NRXN3: variants seen among roughly 807,000 people sequenced by gnomAD.
NRXN3 encodes neurexin III.
NRXN3 carries 32 observed loss-of-function variants against 137.6 expected under a neutral mutation model. The ratio of observed to expected loss-of-function variants is 0.23; its 90% CI spans 0.18 to 0.31. NRXN3 has a LOEUF of 0.31. Ranked by LOEUF, NRXN3 falls within the 10% of genes least tolerant of loss-of-function variation. NRXN3 has a pLI of 1.00. For missense variants in NRXN3, 1,574 were observed against 2,062.5 expected (o/e 0.76, Z 4.59); for synonymous variants, 798 against 784.5 (o/e 1.02, Z -0.29).
chr14:78,740,666 G>A (rs1237200371), intron 8 of NRXN3, among the ~76,000 whole-genome samples: 1 of 151,498 alleles, frequency 6.6e-6, no homozygotes, highest in African/African-American at 2.4e-5. Flanking sequence ...CCTGGATAAT[G>A]AGGACCAAAG....
chr14:78,627,650 T>C (rs539181246), intron 4 of NRXN3, among the ~76,000 whole-genome samples: 1 of 152,240 alleles, frequency 6.6e-6, no homozygotes, highest in East Asian at 1.9e-4. Flanking sequence ...ATCTGCTTCA[T>C]GGTTATTTTA....
intron 19 of NRXN3, among the ~76,000 whole-genome samples, chr14:79,754,343 C>CA (rs1452280722): frequency 6.6e-6 from 1 of 151,182 alleles, no homozygotes; most frequent in East Asian, 1.9e-4. Context: ...GACTCCATCT[C>CA]AAAAACATAA....
At chr14:79,700,090 C>G (rs528080902) in intron 19 of NRXN3, among the ~76,000 whole-genome samples, 1 of 152,152 alleles carries the variant, frequency 6.6e-6, no homozygotes, top group East Asian at 1.9e-4. Context: ...CATCTTCAAG[C>G]CTAGTCTGGT....
chr14:79,739,928 GTCTGT>G (rs943347561), intron 19 of NRXN3, among the ~76,000 whole-genome samples: 1 of 152,110 alleles, frequency 6.6e-6, no homozygotes, highest in Admixed American at 6.5e-5. Flanking sequence ...TGCAGTGAAG[GTCTGT>G]TCACCCCTTT....
chr14:79,256,933 G>A (rs2076660203), intron 15 of NRXN3, among the ~76,000 whole-genome samples: 1 of 152,142 alleles, frequency 6.6e-6, no homozygotes, highest in South Asian at 2.1e-4. Flanking sequence ...GAGACAGAAA[G>A]AAAGGCTGCC....
chr14:78,550,631 G>A (rs1004663942), intron 4 of NRXN3, among the ~76,000 whole-genome samples: 1 of 152,106 alleles, frequency 6.6e-6, no homozygotes, highest in Non-Finnish European at 1.5e-5. Flanking sequence ...GGTTCAACAT[G>A]TTCTACATAA....
chr14:79,290,136 T>C (rs999212108), intron 15 of NRXN3, among the ~76,000 whole-genome samples: 2 of 152,124 alleles, frequency 1.3e-5, no homozygotes, highest in African/African-American at 4.8e-5. Flanking sequence ...ATAATTACAC[T>C]CTTTGGGTGA....
At chr14:79,553,214 A>G (rs1275290566) in intron 16 of NRXN3, among the ~76,000 whole-genome samples, 1 of 152,052 alleles carries the variant, frequency 6.6e-6, no homozygotes, top group Non-Finnish European at 1.5e-5. Context: ...GTATGATTGT[A>G]ATATAAAGGG....
At chr14:79,120,565 G>T (rs1054416583) in intron 15 of NRXN3, among the ~76,000 whole-genome samples, 4 of 151,894 alleles carry the variant, frequency 2.6e-5, no homozygotes, top group Non-Finnish European at 4.4e-5. Flanking sequence ...AGAAAAGCAG[G>T]GAGAGTGTGA....
At chr14:79,106,724 T>C (rs1050156190) in intron 15 of NRXN3, among the ~76,000 whole-genome samples, 6 of 152,144 alleles carry the variant, frequency 3.9e-5, no homozygotes, top group Non-Finnish European at 8.8e-5. Flanking sequence ...TGATTGTGTT[T>C]AGTACTTCCC....
rs2099413337 is a variant in NRXN3, at chr14:79,861,213, A to T, written c.4094-129A>T. ...GAGGCGGGGTTACCTTGCTTGTCGG[A>T]CCAAGGCAGCGATGGTTGTGATGAT... On this transcript the variant is annotated intron_variant, in intron 20 of 20. Transcript: ENST00000335750. This position sits in a 1 kb window ranked among gnomAD's most constrained non-coding sequence, Gnocchi z 5.4. The T allele has an allele frequency of 6.5e-7, 1 of 1,533,784 alleles. No homozygotes were observed. The highest frequency in any genetic ancestry group is 8.7e-7 in the Non-Finnish European group (1 of 1,145,856).
At chr14:78,263,050 C>CTG (rs2071045017) in intron 2 of NRXN3, among the ~76,000 whole-genome samples, 3 of 150,736 alleles carry the variant, frequency 2.0e-5, no homozygotes, top group African/African-American at 7.3e-5. Flanking sequence ...GGTGAAGTCA[C>CTG]TTTTTTTTTA....
At position 79,567,669 on chromosome 14, in the gene NRXN3, G is replaced by A. The variant is rs79724198; in HGVS notation, c.3445-96109G>A. On this transcript the variant is annotated intron_variant, in intron 16 of 20. Transcript: ENST00000335750. ...TTCGGCATGATTTGCTTTTCATTTG[G>A]TTATTTGATAATTATTATTTTCATA... 7.9e-5 allele frequency among the ~76,000 whole-genome samples: 12 copies of A among 152,042 alleles called. No homozygotes were observed. In the East Asian group the frequency reaches 2.3e-3, roughly 29 times the overall value.
At position 79,697,850 on chromosome 14, in the gene NRXN3, A is replaced by G. The variant is rs781667123; in HGVS notation, c.3927A>G (p.Pro1309=). The part of the protein sequence containing the change: ...ILGTTQTTSM[P]PEMSTTVMET... ...GAACAACACAGACGACCTCCATGCC[A>G]CCAGAAATGTCTACTACTGTCATGG... Residue 1309 remains proline (P), a synonymous_variant, in exon 19 of 21, where the codon CCA becomes CCG. Coordinates refer to ENST00000335750, the MANE Select transcript of NRXN3 (RefSeq NM_001330195.2). 1.9e-6 allele frequency: 3 copies of G among 1,613,224 alleles called. No individual in the cohort carries two copies. The highest frequency in any genetic ancestry group is 1.1e-5 in the South Asian group (1 of 91,060).
In NRXN3 at chr14:79,233,666, CTGTG is replaced by C. The variant is rs143246182; in HGVS notation, c.3263-233527_3263-233524del. On this transcript the variant is annotated intron_variant, in intron 15 of 20. Transcript: ENST00000335750. ...AGACATTTTTACTCTAGTATAACTG[CTGTG>C]TGTGTGTGTGTGTGTGTGTGTGTGT... Among the ~76,000 whole-genome samples the C allele has an allele frequency of 5.1e-4, 74 of 145,028 alleles. 1 individual carries two copies. The highest frequency in any genetic ancestry group is 1.3e-3 in the Admixed American group (19 of 14,428).
chr14:79,830,513 C>T (rs1286419692), intron 20 of NRXN3, among the ~76,000 whole-genome samples: 1 of 152,006 alleles, frequency 6.6e-6, no homozygotes, highest in African/African-American at 2.4e-5. Context: ...CCACAAGTAC[C>T]CAATTAGTAA....
intron 4 of NRXN3, among the ~76,000 whole-genome samples, chr14:78,440,981 T>G (rs1038109956): frequency 7.2e-5 from 11 of 152,186 alleles, no homozygotes; most frequent in African/African-American, 2.4e-4. Context: ...GGGGTTGCTT[T>G]GTTTTCTGCT....
At position 79,470,917 on chromosome 14, in the gene NRXN3, TGTGAGA is replaced by T. The variant is rs1420784110; in HGVS notation, c.3444+3517_3444+3522del. On this transcript the variant is annotated intron_variant, in intron 16 of 20. Transcript: ENST00000335750. ...GAGAGAGAGAGTGTGTGTGTGTGTGTGTGAGAGAGAGAGAGAGAGAGAAAGAGAGAG... is the reference window on the plus strand; with the variant it reads ...GAGAGAGAGAGTGTGTGTGTGTGTGTGAGAGAGAGAGAGAGAAAGAGAGAG... Among the ~76,000 whole-genome samples the T allele has an allele frequency of 3.6e-3, 442 of 122,192 alleles. 4 individuals carry two copies. The highest frequency in any genetic ancestry group is 0.018 in the African/African-American group (417 of 23,534). 80.2% of individuals were successfully genotyped at this position (122,192 alleles called of 152,430 possible).
intron 16 of NRXN3, among the ~76,000 whole-genome samples, chr14:79,604,538 T>G (rs117728724): frequency 0.014 from 2,146 of 151,496 alleles, 29 homozygotes; most frequent in Non-Finnish European, 0.021. Context: ...CCCGGACTTT[T>G]TTTTTTTTTA....
Sources: gnomAD v4.1 joint callset for allele counts (sites outside exome capture counted in the v4.1 genomes callset) on GRCh38, gnomAD v4.1.1 for gene constraint, Gnocchi (gnomAD v3.1) non-coding constraint, MANE v1.5 for transcripts, NCBI Gene and HGNC (gene_info 2026-07-23, HGNC 2026-07-21) for gene names.